SIGIRR: variants seen among roughly 807,000 people sequenced by gnomAD.
SIGIRR encodes single Ig and TIR domain containing.
SIGIRR carries 41 observed loss-of-function variants against 45.6 expected under a neutral mutation model. The observed-to-expected ratio is 0.90, with a 90% CI of 0.70 to 1.17. The LOEUF is 1.17. Ranked by LOEUF, SIGIRR falls within the 50% of genes most tolerant of loss-of-function variation. SIGIRR has a pLI of 0.00. For synonymous variants in SIGIRR, 298 were observed against 239.0 expected, an observed-to-expected ratio of 1.25 and a Z score of -2.28; for missense variants, 599 against 539.6, an observed-to-expected ratio of 1.11 and a Z score of -1.09.
intron 1 of SIGIRR, among the ~76,000 whole-genome samples, chr11:414,621 G>A (rs1590395058): frequency 6.6e-6 from 1 of 152,128 alleles, no homozygotes; most frequent in East Asian, 1.9e-4. Context: ...TTGTCACAGA[G>A]CCTAGGACCA....
At chr11:415,097 G>A (rs1464912364), upstream of SIGIRR, 1 of 155,538 alleles carries the variant, frequency 6.4e-6, no homozygotes, top group Non-Finnish European at 1.4e-5. This position sits in a 1 kb window ranked among gnomAD's most constrained non-coding sequence, Gnocchi z 6.6. Context: ...ACGGGCAGTT[G>A]GTGGTTCTCA....
At chr11:408,935 C>G (rs983075859) in intron 2 of SIGIRR, 42 bp from the exon 3 acceptor site, 4 of 1,585,904 alleles carry the variant, frequency 2.5e-6, no homozygotes, top group Admixed American at 3.3e-5. Flanking sequence ...GCCAGGGTGC[C>G]TGGCCCCACC....
At chr11:408,306 C>T in intron 3 of SIGIRR, 100 bp from the exon 4 acceptor site, 2 of 1,489,284 alleles carry the variant, frequency 1.3e-6, no homozygotes, top group Non-Finnish European at 1.8e-6. Flanking sequence ...CAGAATTGGG[C>T]CTCCTGGGTG....
chr11:406,215 G>A, intron 9 of SIGIRR, 134 bp downstream of exon 9: 1 of 1,539,172 alleles, frequency 6.5e-7, no homozygotes, highest in Non-Finnish European at 8.7e-7. Context: ...CAGGGCAGAG[G>A]CCGTGCAGGG....
In SIGIRR at chr11:407,935, C is replaced by T. The variant is rs1176451913; in HGVS notation, c.363G>A (p.Ala121=). ...GCAGGACCAGGAGGGAGGCCAGCAC[C>T]GCAGCCACGTGGCTTGTAGGGCCTG... ...QRAGPTSHVA[A]VLASLLVLLA... The change falls in exon 5 of 10, where the codon GCG becomes GCA. Residue 121 remains alanine (A), a synonymous_variant. Transcript: ENST00000431843. The T allele has an allele frequency of 3.7e-6, 6 of 1,610,272 alleles. No homozygotes were observed. The highest frequency in any genetic ancestry group is 1.3e-5 in the African/African-American group (1 of 74,906).
chr11:412,409 G>C (rs1198443379), intron 1 of SIGIRR, among the ~76,000 whole-genome samples: 1 of 26,438 alleles, frequency 3.8e-5, no homozygotes, highest in African/African-American at 1.7e-4. Context: ...GCAGTCGGGG[G>C]GTGCCCAGCT....
chr11:417,005 T>C (rs1847905153), upstream of SIGIRR, among the ~76,000 whole-genome samples: 1 of 152,136 alleles, frequency 6.6e-6, no homozygotes, highest in African/African-American at 2.4e-5. This position sits in a 1 kb window ranked among gnomAD's most constrained non-coding sequence, Gnocchi z 4.2. Context: ...GTGGGATCCC[T>C]GCGCGCCTCG....
intron 6 of SIGIRR, 86 bp downstream of exon 6, chr11:407,339 G>A (rs1847379110): frequency 8.3e-7 from 1 of 1,202,650 alleles, no homozygotes; most frequent in Non-Finnish European, 1.1e-6. Flanking sequence ...TCGATGGTGG[G>A]GGTGGGGCCC....
chr11:416,230 A>G (rs914212327), upstream of SIGIRR, among the ~76,000 whole-genome samples: 30 of 152,106 alleles, frequency 2.0e-4, no homozygotes, highest in Non-Finnish European at 2.2e-4. This position sits in a 1 kb window ranked among gnomAD's most constrained non-coding sequence, Gnocchi z 9.1. Flanking sequence ...CAGGGCCTCC[A>G]GCACAGGCCC....
intron 1 of SIGIRR, 107 bp from the exon 2 acceptor site, chr11:410,134 G>A (rs1038490545): frequency 3.4e-5 from 34 of 1,005,772 alleles, no homozygotes; most frequent in Admixed American, 1.9e-4. Flanking sequence ...CTGAGCAGCC[G>A]CATGGATGCT....
Position 407,103 on chromosome 11 carries a change from C to G in SIGIRR, c.687G>C (p.Ser229=). ...SRCRRLIVVL[S]DAFLSRAWCS... The stretch of plus-strand genomic sequence containing the variant: ...ACCAGGCCCGGCTCAGGAAGGCGTC[C>G]GAAAGCACCACGATGAGGCGTCGGC... Residue 229 remains serine (S), a synonymous_variant, in exon 7 of 10, where the codon TCG becomes TCC. Transcript: ENST00000431843. 6.6e-7 allele frequency: 1 copy of G among 1,511,146 alleles called. No homozygotes were observed. The highest frequency in any genetic ancestry group is 8.8e-7 in the Non-Finnish European group (1 of 1,132,258). The allele number at this position is 1,511,146 out of a possible 1,614,324, so 93.6% of individuals were successfully genotyped here.
At position 407,558 on chromosome 11, in the gene SIGIRR, G is replaced by A. The variant is rs752692006; in HGVS notation, c.492C>T (p.Leu164=). 15 of 1,607,788 alleles carry A rather than the reference G, an allele frequency of 9.3e-6. No individual in the cohort carries two copies. The highest frequency in any genetic ancestry group is 1.2e-5 in the Non-Finnish European group (14 of 1,177,222). The change falls in exon 6 of 10, where the codon CTC becomes CTT. Residue 164 remains leucine, a synonymous_variant. Coordinates refer to ENST00000431843, the MANE Select transcript of SIGIRR (RefSeq NM_001135054.2). ...YGEVEINDGK[L]YDAYVSYSDC... ...CGCTGTAGGAGACGTAGGCGTCGTA[G>A]AGCTTCCCGTCTGCGGACGGCGGCC...
At position 406,884 on chromosome 11, in the gene SIGIRR, G is replaced by T; in HGVS notation, c.838C>A (p.Arg280Ser). 6.3e-7 allele frequency: 1 copy of T among 1,583,512 alleles called. No individual in the cohort carries two copies. Among genetic ancestry groups the T allele is most frequent in the East Asian group, 2.3e-5 (1 of 44,010 alleles). The change falls in exon 8 of 10, where the codon CGC (arginine) becomes AGC (serine). Residue 280 changes from arginine (R) to serine (S), a missense_variant. Physicochemically the swap from Arg to Ser is moderately radical, Grantham distance 110 (BLOSUM62 -1). Coordinates refer to ENST00000431843, the MANE Select transcript of SIGIRR (RefSeq NM_001135054.2). ...CAGAGCAGCAAGGTCACCAGGTGGC[G>T]GTGCTGGCGCAGCAGGCGGAGCGCC... The part of the protein sequence containing the change: ...HPALRLLRQH[R>S]HLVTLLLWRP...
In SIGIRR at chr11:406,055, G is replaced by A. The variant is rs1262027249; in HGVS notation, c.1074C>T (p.Val358=). 1.3e-6 allele frequency: 2 copies of A among 1,576,608 alleles called. No individual in the cohort carries two copies. Among genetic ancestry groups the A allele is most frequent in the East Asian group, 2.3e-5 (1 of 42,616 alleles). Residue 358 remains valine (V), a synonymous_variant, in exon 10 of 10, where the codon GTC becomes GTT. Coordinates refer to ENST00000431843, the MANE Select transcript of SIGIRR (RefSeq NM_001135054.2). ...ATGGCTCTCCAAAGACAGGCCCCCG[G>A]ACACCTGGGGTGGGGAGACCGAGAC... ...VDPDPEGDLG[V]RGPVFGEPSA...
Position 407,569 on chromosome 11 carries a change from C to T in SIGIRR, c.482-1G>A, listed in dbSNP as rs757553351. On this transcript the variant is annotated splice_acceptor_variant, in intron 5 of 9. Coordinates refer to ENST00000431843, the MANE Select transcript of SIGIRR (RefSeq NM_001135054.2). LOFTEE classifies it high-confidence loss of function. Reference sequence around the variant, plus strand: ...ACGTAGGCGTCGTAGAGCTTCCCGTCTGCGGACGGCGGCCAGTCACCCCGA... The same window carrying T: ...ACGTAGGCGTCGTAGAGCTTCCCGTTTGCGGACGGCGGCCAGTCACCCCGA... 3.1e-6 allele frequency: 5 copies of T among 1,606,196 alleles called. No homozygotes were observed. The highest frequency in any genetic ancestry group is 4.3e-6 in the Non-Finnish European group (5 of 1,176,072).
At position 407,971 on chromosome 11, in the gene SIGIRR, G is replaced by A. The variant is rs1847426668; in HGVS notation, c.341-14C>T. 3 of 1,602,056 alleles carry A rather than the reference G, an allele frequency of 1.9e-6. No homozygotes were observed. The highest frequency in any genetic ancestry group is 2.2e-5 in the East Asian group (1 of 44,760). ...GGCTTGTAGGGCCTGCGGATGGGTT[G>A]CCTGAGCCGCTGCCCCTCCAGCAGC... On this transcript the variant is annotated splice_polypyrimidine_tract_variant and intron_variant, in intron 4 of 9. Transcript: ENST00000431843.
At chr11:406,195 C>T (rs1359661791) in intron 9 of SIGIRR, 136 bp from the exon 10 acceptor site, 5 of 1,537,938 alleles carry the variant, frequency 3.3e-6, no homozygotes, top group South Asian at 2.4e-5. Flanking sequence ...GACCGAGGGC[C>T]GAGCACCTCC....
chr11:412,899 A>G (rs1256302024), intron 1 of SIGIRR, among the ~76,000 whole-genome samples: 1 of 152,076 alleles, frequency 6.6e-6, no homozygotes, highest in Non-Finnish European at 1.5e-5. Context: ...CTCGGGTCCC[A>G]TGTCCTTTCC....
In SIGIRR at chr11:408,838, C is replaced by T; in HGVS notation, c.63G>A (p.Arg21=). 1 of 1,612,758 alleles carries T rather than the reference C, an allele frequency of 6.2e-7. No homozygotes were observed. The highest frequency in any genetic ancestry group is 8.5e-7 in the Non-Finnish European group (1 of 1,179,974). ...GAGCCACTGAGCTGCCCAAGGCAGG[C>T]CTCAGCACCTGGTCTTCAGACGGGG... is the stretch of plus-strand genomic sequence containing the variant. ...FLSPSEDQVL[R]PALGSSVALN... is the part of the protein sequence containing the mutation. The change falls in exon 3 of 10, where the codon AGG becomes AGA. Residue 21 remains arginine (R), a synonymous_variant. Transcript: ENST00000431843.
Sources: allele counts gnomAD v4.1 joint callset (sites outside exome capture counted in the v4.1 genomes callset), GRCh38; gene constraint gnomAD v4.1.1; non-coding constraint Gnocchi (gnomAD v3.1); transcripts MANE v1.5; gene names NCBI Gene and HGNC (gene_info 2026-07-23, HGNC 2026-07-21).